Variants in GRM1 observed in about 807,000 individuals in gnomAD.
GRM1 encodes metabotropic glutamate receptor 1.
A neutral mutation model predicts 90.9 loss-of-function variants in GRM1; 33 were observed. That is an observed-to-expected ratio of 0.36 (90% CI 0.28 to 0.49). The LOEUF (loss-of-function observed/expected upper bound fraction) is 0.49, where lower values mean the gene tolerates loss of function less well. Ranked by LOEUF, GRM1 falls within the 20% of genes least tolerant of loss-of-function variation. The probability of loss-of-function intolerance (pLI) is 0.99; values close to 1 mark genes in which losing one functional copy is unlikely to be tolerated. For synonymous variants in GRM1, 700 were observed against 613.2 expected (o/e 1.14, Z -2.09); for missense variants, 1,190 against 1,534.3 (o/e 0.78, Z 3.75).
At chr6:146,297,020 A>C (rs1178827652) in intron 2 of GRM1, among the ~76,000 whole-genome samples, 1 of 152,168 alleles carries the variant, frequency 6.6e-6, no homozygotes, top group Non-Finnish European at 1.5e-5. Context: ...GATGCATATC[A>C]TTTGGCTTTG....
intron 2 of GRM1, among the ~76,000 whole-genome samples, chr6:146,262,231 T>A (rs1267838416): frequency 6.6e-6 from 1 of 152,056 alleles, no homozygotes; most frequent in African/African-American, 2.4e-5. Context: ...GTTGTCCTCA[T>A]GTGGAAGAAA....
At chr6:146,312,508 G>C (rs1401648334) in intron 3 of GRM1, among the ~76,000 whole-genome samples, 1 of 151,940 alleles carries the variant, frequency 6.6e-6, no homozygotes, top group South Asian at 2.1e-4. Context: ...TCTTCATACA[G>C]ATCTGGTTTT....
At chr6:146,055,232 G>A (rs1460705371) in intron 1 of GRM1, among the ~76,000 whole-genome samples, 3 of 152,026 alleles carry the variant, frequency 2.0e-5, no homozygotes, top group South Asian at 4.1e-4. Context: ...AGGATGAGTG[G>A]TATTTAGATG....
chr6:146,151,293 T>C (rs1777325768), intron 1 of GRM1, among the ~76,000 whole-genome samples: 1 of 152,214 alleles, frequency 6.6e-6, no homozygotes. Flanking sequence ...ATATTTTCTC[T>C]ATATGAATGT....
intron 1 of GRM1, among the ~76,000 whole-genome samples, chr6:146,040,535 G>C (rs569437997): frequency 3.9e-5 from 6 of 152,002 alleles, no homozygotes; most frequent in Non-Finnish European, 5.9e-5. Flanking sequence ...GCTTTGCTGG[G>C]TACAGTATTC....
At chr6:146,415,279 C>T (rs996985642) in intron 7 of GRM1, among the ~76,000 whole-genome samples, 5 of 152,178 alleles carry the variant, frequency 3.3e-5, no homozygotes, top group Admixed American at 1.3e-4. Flanking sequence ...ACTTCTGAAG[C>T]CTCTACCCTC....
chr6:146,344,621 A>G (rs1380831699), intron 3 of GRM1, among the ~76,000 whole-genome samples: 2 of 152,086 alleles, frequency 1.3e-5, no homozygotes, highest in Non-Finnish European at 2.9e-5. Context: ...TCTAAATTTG[A>G]CTTTTTGAAG....
At chr6:146,035,491 G>A (rs1324232281) in intron 1 of GRM1, among the ~76,000 whole-genome samples, 1 of 151,874 alleles carries the variant, frequency 6.6e-6, no homozygotes, top group Admixed American at 6.6e-5. Context: ...TGATTCTCTA[G>A]CTGTCTACTT....
At chr6:146,396,069 C>CATCTGTCTATCT in intron 6 of GRM1, among the ~76,000 whole-genome samples, 1 of 136,226 alleles carries the variant, frequency 7.3e-6, no homozygotes, top group South Asian at 2.3e-4. Flanking sequence ...ACCTATCCAT[C>CATCTGTCTATCT]ATCTATCTAT....
intron 2 of GRM1, among the ~76,000 whole-genome samples, chr6:146,262,079 C>T (rs924435407): frequency 1.5e-5 from 1 of 66,276 alleles, no homozygotes; most frequent in African/African-American, 1.0e-4. Flanking sequence ...TAGTAGAAAA[C>T]AAAACAAAAA....
At chr6:146,253,332 G>T (rs1216044765) in intron 2 of GRM1, among the ~76,000 whole-genome samples, 2 of 152,070 alleles carry the variant, frequency 1.3e-5, no homozygotes, top group African/African-American at 2.4e-5. Flanking sequence ...GGTAACAAAA[G>T]AATTAACATT....
At chr6:146,130,244 C>T (rs1448627016) in intron 1 of GRM1, among the ~76,000 whole-genome samples, 2 of 150,328 alleles carry the variant, frequency 1.3e-5, no homozygotes, top group Non-Finnish European at 3.0e-5. Context: ...TCCCTCCCTC[C>T]CTCCCTCCCT....
At chr6:146,034,103 T>A (rs1790799983) in intron 1 of GRM1, among the ~76,000 whole-genome samples, 1 of 152,094 alleles carries the variant, frequency 6.6e-6, no homozygotes, top group South Asian at 2.1e-4. Context: ...CTCAAAGCTT[T>A]CTAATTGTGA....
intron 3 of GRM1, among the ~76,000 whole-genome samples, chr6:146,333,561 A>T (rs954120033): frequency 6.6e-6 from 1 of 152,190 alleles, no homozygotes; most frequent in Admixed American, 6.6e-5. Flanking sequence ...AATGACAGTT[A>T]TATCTTACTC....
At chr6:146,074,152 T>C (rs188799795) in intron 1 of GRM1, among the ~76,000 whole-genome samples, 8 of 152,134 alleles carry the variant, frequency 5.3e-5, no homozygotes, top group African/African-American at 1.9e-4. Flanking sequence ...GGGGAAACAA[T>C]GTACCAAATG....
chr6:146,365,829 C>T (rs1775664971), intron 5 of GRM1, among the ~76,000 whole-genome samples: 1 of 152,078 alleles, frequency 6.6e-6, no homozygotes, highest in Non-Finnish European at 1.5e-5. Flanking sequence ...GGACGAGGAC[C>T]AGAGTGAGGC....
At chr6:146,325,081 G>A (rs747972310) in intron 3 of GRM1, among the ~76,000 whole-genome samples, 1 of 152,168 alleles carries the variant, frequency 6.6e-6, no homozygotes, top group Non-Finnish European at 1.5e-5. Flanking sequence ...TTTGTTGGAA[G>A]AGCTTGTCAA....
At chr6:146,245,718 G>C (rs1035189041) in intron 2 of GRM1, among the ~76,000 whole-genome samples, 30 of 152,128 alleles carry the variant, frequency 2.0e-4, no homozygotes, top group Admixed American at 6.5e-5. Context: ...ATTCATTATA[G>C]TTAAAAGTAA....
intron 5 of GRM1, among the ~76,000 whole-genome samples, chr6:146,377,999 T>A (rs1333200476): frequency 6.6e-6 from 1 of 152,172 alleles, no homozygotes. Context: ...GTGCTCAAGC[T>A]GTTGCTTCAG....
Sources: gnomAD v4.1 joint callset for allele counts (sites outside exome capture counted in the v4.1 genomes callset) on GRCh38, gnomAD v4.1.1 for gene constraint, MANE v1.5 for transcripts, NCBI Gene and HGNC (gene_info 2026-07-23, HGNC 2026-07-21) for gene names.